Variants in SOBP observed in about 807,000 individuals in gnomAD.
The protein encoded by SOBP is sine oculis-binding protein homolog.
SOBP carries 4 observed loss-of-function variants against 53.6 expected under a neutral mutation model. That is an observed-to-expected ratio of 0.07 (90% CI 0.04 to 0.17). The LOEUF is 0.17. SOBP is among the 10% of genes least tolerant of loss of function. SOBP has a pLI of 1.00. For synonymous variants in SOBP, 584 were observed against 522.6 expected (o/e 1.12, Z -1.60); for missense variants, 1,088 against 1,204.7 (o/e 0.90, Z 1.43).
At position 107,506,239 on chromosome 6, in the gene SOBP, C is replaced by T. The variant is rs1480585709; in HGVS notation, c.236-3C>T. ...CATTGAATATGATTTTTTTCTTTTA[C>T]AGAAAATTCTTTGCCAAAACCAAAA... is the stretch of plus-strand genomic sequence containing the variant. On this transcript the variant is annotated splice_region_variant and splice_polypyrimidine_tract_variant and intron_variant, in intron 2 of 6. Transcript: ENST00000317357. 4.3e-6 allele frequency: 7 copies of T among 1,613,234 alleles called. No homozygotes were observed. The Admixed American group carries it at 1.0e-4, about 23-fold the overall frequency.
intron 4 of SOBP, among the ~76,000 whole-genome samples, chr6:107,582,544 C>G (rs1785435199): frequency 6.7e-6 from 1 of 148,194 alleles, no homozygotes; most frequent in South Asian, 2.1e-4. Context: ...ATTTTTGTTT[C>G]TGTTATGGCA....
intron 4 of SOBP, among the ~76,000 whole-genome samples, chr6:107,576,288 G>A (rs946025999): frequency 1.3e-5 from 2 of 152,168 alleles, no homozygotes; most frequent in Non-Finnish European, 2.9e-5. Context: ...TGTGGCTAGC[G>A]CACAGTAAAA....
chr6:107,587,676 A>C (rs1194874943), intron 5 of SOBP, among the ~76,000 whole-genome samples: 2 of 152,172 alleles, frequency 1.3e-5, no homozygotes, highest in African/African-American at 4.8e-5. Context: ...ATGCAGAAGG[A>C]GTCAAAGCAG....
At chr6:107,546,669 C>T (rs1301713269) in intron 4 of SOBP, among the ~76,000 whole-genome samples, 1 of 152,168 alleles carries the variant, frequency 6.6e-6, no homozygotes, top group East Asian at 1.9e-4. Context: ...CAGAACAGTA[C>T]AAAGTTTGCA....
intron 5 of SOBP, among the ~76,000 whole-genome samples, chr6:107,611,729 C>T (rs1786607560): frequency 1.3e-5 from 2 of 152,180 alleles, no homozygotes; most frequent in Admixed American, 1.3e-4. Context: ...GCAGTGTTAC[C>T]TCTGTAGAGA....
chr6:107,500,433 T>A (rs1782808124), intron 1 of SOBP, among the ~76,000 whole-genome samples: 1 of 152,086 alleles, frequency 6.6e-6, no homozygotes. Flanking sequence ...ATGATAACGT[T>A]AAAAATTTAT....
In SOBP at chr6:107,490,377, T is replaced by C; in HGVS notation, c.-240T>C. The C allele has an allele frequency of 5.9e-6, 1 of 168,168 alleles. No homozygotes were observed. The highest frequency in any genetic ancestry group is 1.2e-5 in the Non-Finnish European group (1 of 82,484). The allele number at this position is 168,168 out of a possible 1,614,324, so 10.4% of individuals were successfully genotyped here. A position where few individuals can be genotyped will look rare whatever the true frequency, so the allele number is the denominator to read the frequency against. On this transcript the variant is annotated 5_prime_UTR_variant, in exon 1 of 7. Coordinates refer to ENST00000317357, the MANE Select transcript of SOBP (RefSeq NM_018013.4). The stretch of plus-strand genomic sequence containing the variant: ...AGGAGCCGGAGCGACGGCGGCGGCA[T>C]CCCCGAGACTCTCCGCACTATCCTT...
At chr6:107,543,490 A>G (rs1238294107) in intron 4 of SOBP, among the ~76,000 whole-genome samples, 1 of 152,232 alleles carries the variant, frequency 6.6e-6, no homozygotes, top group Non-Finnish European at 1.5e-5. Flanking sequence ...AATGTCTAGC[A>G]TGAGCCAATC....
intron 5 of SOBP, among the ~76,000 whole-genome samples, chr6:107,607,919 G>T (rs1334729379): frequency 6.6e-6 from 1 of 152,174 alleles, no homozygotes; most frequent in East Asian, 1.9e-4. Flanking sequence ...AGAGAGGTGA[G>T]TTGGTTTGTA....
At position 107,622,738 on chromosome 6, in the gene SOBP, A is replaced by G. The variant is rs1286530850; in HGVS notation, c.670-10776A>G. On this transcript the variant is annotated intron_variant, in intron 5 of 6. Transcript: ENST00000317357. ...AATATATCCTTGTATAGCAGTTGAC[A>G]CTCTTGAGGGGGAAATGCAAGACAG... Among the ~76,000 whole-genome samples the G allele has an allele frequency of 2.6e-5, 4 of 152,186 alleles. No homozygotes were observed. The East Asian group carries it at 7.7e-4, about 29-fold the overall frequency.
intron 5 of SOBP, among the ~76,000 whole-genome samples, chr6:107,627,603 A>G (rs1341555018): frequency 6.6e-6 from 1 of 152,220 alleles, no homozygotes; most frequent in African/African-American, 2.4e-5. Context: ...AGAGAGAGCT[A>G]GAGCAAGCTA....
At chr6:107,598,401 C>T (rs1435978109) in intron 5 of SOBP, among the ~76,000 whole-genome samples, 2 of 152,006 alleles carry the variant, frequency 1.3e-5, no homozygotes, top group Non-Finnish European at 2.9e-5. Flanking sequence ...TTGGAGGGTG[C>T]GTAGCGATGG....
At chr6:107,572,147 A>G (rs1785090734) in intron 4 of SOBP, among the ~76,000 whole-genome samples, 1 of 152,232 alleles carries the variant, frequency 6.6e-6, no homozygotes, top group African/African-American at 2.4e-5. Flanking sequence ...TTTCAGAAAG[A>G]TAAGGGTGGA....
chr6:107,548,948 T>C (rs1343824762), intron 4 of SOBP, among the ~76,000 whole-genome samples: 2 of 151,844 alleles, frequency 1.3e-5, no homozygotes, highest in Non-Finnish European at 2.9e-5. Flanking sequence ...AAAAAATAAA[T>C]AAATAAATAA....
At chr6:107,555,256 A>C (rs1784576587) in intron 4 of SOBP, among the ~76,000 whole-genome samples, 1 of 152,070 alleles carries the variant, frequency 6.6e-6, no homozygotes, top group East Asian at 1.9e-4. Context: ...TATTAGTATC[A>C]GTTGGACAGC....
In SOBP at chr6:107,634,542, C is replaced by T. The variant is rs768869692; in HGVS notation, c.1698C>T (p.Ala566=). 8.1e-6 allele frequency: 13 copies of T among 1,609,634 alleles called. No homozygotes were observed. The Admixed American group carries it at 2.2e-4, about 27-fold the overall frequency. The stretch of plus-strand genomic sequence containing the variant: ...ACGGGGAGAACTTCATTCCGAACGC[C>T]CCTGGCGACTCCGCGGCGGCGGGCG... ...SSNGENFIPN[A]PGDSAAAGGK... The change falls in exon 6 of 7, where the codon GCC becomes GCT. Residue 566 remains alanine, a synonymous_variant. Transcript: ENST00000317357. The surrounding 1 kb of genome is among the most constrained non-coding windows in gnomAD (Gnocchi z 4.5).
chr6:107,634,371 C>A lies in SOBP; in HGVS notation c.1527C>A (p.Phe509Leu). 6.3e-7 allele frequency: 1 copy of A among 1,594,078 alleles called. No individual in the cohort carries two copies. Among genetic ancestry groups the A allele is most frequent in the Non-Finnish European group, 8.5e-7 (1 of 1,176,792 alleles). Residue 509 changes from phenylalanine to leucine, a missense_variant, in exon 6 of 7, where the codon TTC (phenylalanine) becomes TTA (leucine). Phe to Leu is a conservative substitution (Grantham distance 22). This residue lies in a region of SOBP where 665 missense variants were observed against 629.7 expected (regional missense o/e 1.06). Transcript: ENST00000317357. The surrounding 1 kb of genome is among the most constrained non-coding windows in gnomAD (Gnocchi z 4.5). Reference sequence around the variant, plus strand: ...TGCCGGTGCCCCAGATGATGAATTTCGGGCTGCCGTCGCTTGCCCCGCTGG... The same window carrying A: ...TGCCGGTGCCCCAGATGATGAATTTAGGGCTGCCGTCGCTTGCCCCGCTGG... The part of the protein sequence containing the change: ...GPMPVPQMMN[F>L]GLPSLAPLVP...
In SOBP at chr6:107,634,664, G is replaced by A. The variant is rs748013573; in HGVS notation, c.1820G>A (p.Ser607Asn). ...CCCGGCTGCTCGGGCCAGGCCCTGA[G>A]CCTGGCGCCCACGCCCGCCGAGCAT... ...SPPGCSGQAL[S>N]LAPTPAEHGR... is the part of the protein sequence containing the mutation. The change falls in exon 6 of 7, where the codon AGC (serine) becomes AAC (asparagine). Residue 607 changes from serine (S) to asparagine (N), a missense_variant. Ser to Asn is a conservative substitution (Grantham distance 46, BLOSUM62 1). Coordinates refer to ENST00000317357, the MANE Select transcript of SOBP (RefSeq NM_018013.4). The surrounding 1 kb of genome is among the most constrained non-coding windows in gnomAD (Gnocchi z 4.5). 2 of 1,550,214 alleles carry A rather than the reference G, an allele frequency of 1.3e-6. No individual in the cohort carries two copies. Among genetic ancestry groups the A allele is most frequent in the East Asian group, 4.8e-5 (2 of 41,472 alleles).
chr6:107,516,738 A>G lies in SOBP; in HGVS notation c.421+10311A>G, dbSNP rs188612018. 3.5e-3 allele frequency among the ~76,000 whole-genome samples: 539 copies of G among 152,312 alleles called. 2 individuals are homozygous for G. Among genetic ancestry groups the G allele is most frequent in the African/African-American group, 0.012 (510 of 41,576 alleles). On this transcript the variant is annotated intron_variant, in intron 3 of 6. Coordinates refer to ENST00000317357, the MANE Select transcript of SOBP (RefSeq NM_018013.4). ...TCTGTATTCCAGCCATAAAAATTTC[A>G]AAAGTGAATCTTAAAAATATAATTT...
Sources: gnomAD v4.1 joint callset for allele counts (sites outside exome capture counted in the v4.1 genomes callset) on GRCh38, gnomAD v4.1.1 for gene constraint, gnomAD v4.1.1 regional missense constraint, Gnocchi (gnomAD v3.1) non-coding constraint, MANE v1.5 for transcripts, NCBI Gene and HGNC (gene_info 2026-07-23, HGNC 2026-07-21) for gene names.